The following PSD3 variants were observed in gnomAD, a reference collection of about 807,000 sequenced individuals.
The protein encoded by PSD3 is PH and SEC7 domain-containing protein 3.
Under a neutral mutation model 105.5 loss-of-function variants are expected in PSD3, and 49 were observed. That is an observed-to-expected ratio of 0.46 (90% confidence interval 0.37 to 0.59). The LOEUF (loss-of-function observed/expected upper bound fraction) is 0.59. Ranked by LOEUF, PSD3 falls within the 20% of genes least tolerant of loss-of-function variation. The probability of loss-of-function intolerance (pLI) is 0.00; values close to 1 mark genes in which losing one functional copy is unlikely to be tolerated. For missense variants in PSD3, 1,561 were observed against 1,263.8 expected (o/e 1.24, Z -3.57); for synonymous variants, 557 against 457.8 (o/e 1.22, Z -2.77).
intron 9 of PSD3, among the ~76,000 whole-genome samples, chr8:18,758,831 A>T (rs1042028833): frequency 1.3e-5 from 2 of 152,168 alleles, no homozygotes; most frequent in Admixed American, 6.5e-5. Flanking sequence ...GATAGGTTAA[A>T]AACGGGATGG....
intron 1 of PSD3, among the ~76,000 whole-genome samples, chr8:19,061,842 A>G (rs1272563778): frequency 3.3e-5 from 5 of 151,616 alleles, no homozygotes; most frequent in Admixed American, 6.6e-5. Flanking sequence ...CTTTACACAC[A>G]TGATGAACCC....
chr8:18,827,257 C>T (rs369247187), intron 4 of PSD3, among the ~76,000 whole-genome samples: 64 of 152,238 alleles, frequency 4.2e-4, no homozygotes, highest in African/African-American at 1.4e-3. Context: ...AAAGGTTACA[C>T]CACACACAAC....
intron 3 of PSD3, 60 bp downstream of exon 3, chr8:18,871,566 A>G: frequency 6.6e-7 from 1 of 1,519,320 alleles, no homozygotes; most frequent in Non-Finnish European, 8.8e-7. Context: ...AGTACAGGAT[A>G]ACAGTTTTCT....
At chr8:18,789,858 A>G (rs1809530192) in intron 8 of PSD3, among the ~76,000 whole-genome samples, 1 of 152,202 alleles carries the variant, frequency 6.6e-6, no homozygotes, top group African/African-American at 2.4e-5. Context: ...CTGACTTAGA[A>G]TTTGACCTGC....
At chr8:18,686,378 T>C (rs1257256795) in intron 9 of PSD3, among the ~76,000 whole-genome samples, 1 of 152,234 alleles carries the variant, frequency 6.6e-6, no homozygotes, top group Non-Finnish European at 1.5e-5. Context: ...GGAACCACGC[T>C]GTGTCCCTCA....
At chr8:19,057,095 C>G (rs944529960) in intron 1 of PSD3, among the ~76,000 whole-genome samples, 1 of 152,100 alleles carries the variant, frequency 6.6e-6, no homozygotes, top group Non-Finnish European at 1.5e-5. Flanking sequence ...TTGGTTAACC[C>G]CTCAATCCTG....
At chr8:18,896,912 G>T (rs1586357922) in intron 2 of PSD3, among the ~76,000 whole-genome samples, 1 of 152,026 alleles carries the variant, frequency 6.6e-6, no homozygotes, top group Non-Finnish European at 1.5e-5. Context: ...CCAGGTTCAA[G>T]CAATTCTCCT....
At chr8:19,084,803 G>A (rs971588042), upstream of PSD3, 7 of 246,416 alleles carry the variant, frequency 2.8e-5, no homozygotes, top group African/African-American at 1.6e-4. Context: ...AGCCTGCCAA[G>A]AGGCCTGTCC....
In PSD3 at chr8:19,059,553, T is replaced by C. The variant is rs949059301; in HGVS notation, c.324+24653A>G. Among the ~76,000 whole-genome samples the C allele has an allele frequency of 4.6e-5, 7 of 152,280 alleles. No individual in the cohort carries two copies. The East Asian group carries it at 1.4e-3, about 29-fold the overall frequency. On this transcript the variant is annotated intron_variant, in intron 1 of 1. Transcript: ENST00000521475. Reference sequence around the variant, plus strand: ...AGTATCAGGTGGGACCAAAGTACTTTATTGGGTAACATCAGATCCCTCCTT... The same window carrying C: ...AGTATCAGGTGGGACCAAAGTACTTCATTGGGTAACATCAGATCCCTCCTT...
chr8:18,595,141 A>C (rs570626632), intron 12 of PSD3, among the ~76,000 whole-genome samples: 13 of 152,028 alleles, frequency 8.6e-5, no homozygotes, highest in Non-Finnish European at 2.9e-5. Flanking sequence ...TAGTTTTGGC[A>C]TATGACCTGA....
chr8:18,941,637 C>T (rs1822545990), intron 1 of PSD3, among the ~76,000 whole-genome samples: 2 of 147,178 alleles, frequency 1.4e-5, no homozygotes, highest in South Asian at 4.4e-4. Flanking sequence ...ATTTTAGACA[C>T]AAGATAAGCA....
chr8:18,909,096 T>C (rs1331941651), intron 2 of PSD3, among the ~76,000 whole-genome samples: 1 of 152,204 alleles, frequency 6.6e-6, no homozygotes, highest in Non-Finnish European at 1.5e-5. Context: ...GAATTACATT[T>C]CAGATATTTA....
chr8:18,928,684 CT>C (rs1233696215), intron 2 of PSD3, among the ~76,000 whole-genome samples: 1 of 151,992 alleles, frequency 6.6e-6, no homozygotes, highest in Non-Finnish European at 1.5e-5. Context: ...TCCTTCCTTC[CT>C]TTTTTTCTTT....
chr8:18,735,637 G>A (rs1490361238), intron 9 of PSD3, among the ~76,000 whole-genome samples: 1 of 152,098 alleles, frequency 6.6e-6, no homozygotes, highest in African/African-American at 2.4e-5. Flanking sequence ...CCTCAAGTGG[G>A]TAAGCCTTAC....
intron 4 of PSD3, chr8:18,808,916 T>C (rs969197076): frequency 1.4e-5 from 21 of 1,511,840 alleles, no homozygotes; most frequent in Non-Finnish European, 1.9e-5. Context: ...GAGGTCACAC[T>C]ACTATGACCT....
chr8:19,010,349 G>A (rs1354016593), intron 1 of PSD3, among the ~76,000 whole-genome samples: 1 of 152,160 alleles, frequency 6.6e-6, no homozygotes, highest in African/African-American at 2.4e-5. Context: ...TGACCTTCTG[G>A]GCGCAGTGAA....
At position 18,531,066 on chromosome 8, in the gene PSD3, A is replaced by T. The variant is rs1799612783; in HGVS notation, c.*4677T>A. The T allele has an allele frequency of 6.6e-6, 1 of 152,392 alleles. No homozygotes were observed. The highest frequency in any genetic ancestry group is 2.1e-4 in the South Asian group (1 of 4,834). The allele number at this position is 152,392 out of a possible 1,614,324, so 9.4% of individuals were successfully genotyped here. On this transcript the variant is annotated 3_prime_UTR_variant, in exon 16 of 16. Transcript: ENST00000327040. ...TACATACATACAACTATAAATACCC[A>T]CAAATACAACAATGGCAGGTGACAG...
intron 8 of PSD3, among the ~76,000 whole-genome samples, chr8:18,791,467 A>C (rs1018894914): frequency 6.6e-6 from 1 of 152,210 alleles, no homozygotes; most frequent in Non-Finnish European, 1.5e-5. Context: ...TGACAAAAAC[A>C]AGCAATGGGG....
intron 4 of PSD3, chr8:18,808,943 T>C: frequency 6.9e-7 from 1 of 1,451,086 alleles, no homozygotes; most frequent in Admixed American, 2.9e-5. Flanking sequence ...CTCAGCCGAG[T>C]GTTCATTGTT....
Sources: gnomAD v4.1 joint callset for allele counts (sites outside exome capture counted in the v4.1 genomes callset) on GRCh38, gnomAD v4.1.1 for gene constraint, MANE v1.5 for transcripts, NCBI Gene and HGNC (gene_info 2026-07-23, HGNC 2026-07-21) for gene names.